Variants in GREB1L observed in about 807,000 individuals in gnomAD.
The protein encoded by GREB1L is GREB1-like protein.
In GREB1L, 17 loss-of-function variants were observed where a neutral mutation model predicts 200.8. That is an observed-to-expected ratio of 0.08 (90% CI 0.06 to 0.13). The LOEUF is 0.13. Ranked by LOEUF, GREB1L falls within the 10% of genes least tolerant of loss-of-function variation. GREB1L has a pLI of 1.00. For missense variants in GREB1L, 1,657 were observed against 2,367.7 expected, an observed-to-expected ratio of 0.70 and a Z score of 6.23; for synonymous variants, 789 against 893.0, an observed-to-expected ratio of 0.88 and a Z score of 2.08.
intron 15 of GREB1L, among the ~76,000 whole-genome samples, chr18:21,464,914 G>A (rs1598884625): frequency 1.3e-5 from 2 of 152,144 alleles, no homozygotes; most frequent in African/African-American, 4.8e-5. Flanking sequence ...AGTCAGGGAG[G>A]CTGTTGGTTA....
At chr18:21,418,516 T>TTTTTG (rs763102517) in intron 7 of GREB1L, among the ~76,000 whole-genome samples, 6 of 152,108 alleles carry the variant, frequency 3.9e-5, no homozygotes, top group South Asian at 4.1e-4. Context: ...TAAAAAAATA[T>TTTTTG]TTTTGTTTTG....
intron 31 of GREB1L, 148 bp from the exon 32 acceptor site, chr18:21,520,540 A>C: frequency 1.2e-6 from 1 of 828,870 alleles, no homozygotes; most frequent in Non-Finnish European, 1.9e-6. Context: ...TTAACTAACC[A>C]AGCCATTTAA....
intron 1 of GREB1L, among the ~76,000 whole-genome samples, chr18:21,359,170 CA>C (rs1243804709): frequency 1.3e-5 from 2 of 152,136 alleles, no homozygotes; most frequent in African/African-American, 4.8e-5. Context: ...AATAAGAAAT[CA>C]GGGGCTGGGC....
intron 1 of GREB1L, among the ~76,000 whole-genome samples, chr18:21,298,382 C>T (rs1340568916): frequency 6.6e-6 from 1 of 152,176 alleles, no homozygotes; most frequent in Non-Finnish European, 1.5e-5. Flanking sequence ...GTGGTATCTA[C>T]TTATTTTCTA....
chr18:21,436,717 T>TGTGTGTGTGTGTGTGTGTGTG (rs1568009671), intron 7 of GREB1L, among the ~76,000 whole-genome samples: 1 of 147,758 alleles, frequency 6.8e-6, no homozygotes, highest in Admixed American at 6.8e-5. Context: ...TGTGTGTGTG[T>TGTGTGTGTGTGTGTGTGTGTG]TTTCTTTTTC....
rs546250107 is a variant in GREB1L at position 21,485,762 on chromosome 18, T to C, written c.2690+9T>C. ...AACACACTCTTGGAGAGGTAAATAG[T>C]AAATAAGGCCTTCTGCTCTTCTCTC... On this transcript the variant is annotated intron_variant, in intron 18 of 32. Coordinates refer to ENST00000424526, the MANE Select transcript of GREB1L (RefSeq NM_001142966.3). The C allele has an allele frequency of 1.7e-5, 27 of 1,550,630 alleles. No individual in the cohort carries two copies. In the East Asian group the frequency reaches 6.1e-4, roughly 35 times the overall value.
At chr18:21,509,723 AT>A (rs1168666785) in intron 27 of GREB1L, among the ~76,000 whole-genome samples, 1 of 152,106 alleles carries the variant, frequency 6.6e-6, no homozygotes, top group Non-Finnish European at 1.5e-5. Context: ...CTTTTTCTAT[AT>A]GAATATGACC....
At chr18:21,277,596 C>T (rs1361511889) in intron 1 of GREB1L, among the ~76,000 whole-genome samples, 1 of 152,142 alleles carries the variant, frequency 6.6e-6, no homozygotes, top group African/African-American at 2.4e-5. Context: ...ATTTGTAAAT[C>T]TCTAGTCCCA....
chr18:21,312,323 T>A (rs1335035755), intron 1 of GREB1L, among the ~76,000 whole-genome samples: 1 of 152,184 alleles, frequency 6.6e-6, no homozygotes, highest in Admixed American at 6.5e-5. Context: ...ATGATTTATA[T>A]TCCTTTGGGT....
At position 21,409,630 on chromosome 18, in the gene GREB1L, A is replaced by G. The variant is rs528514945; in HGVS notation, c.832+5636A>G. On this transcript the variant is annotated intron_variant, in intron 7 of 32. Transcript: ENST00000424526. ...TTTCTCTTTCAGTTTAATACAATCT[A>G]ATTTATTGAATATCTACAGTGGGGT... Among the ~76,000 whole-genome samples the G allele has an allele frequency of 1.2e-4, 18 of 152,320 alleles. No homozygotes were observed. The South Asian group carries it at 3.1e-3, about 26-fold the overall frequency.
chr18:21,370,659 A>G (rs1381173635), intron 2 of GREB1L, among the ~76,000 whole-genome samples: 3 of 152,344 alleles, frequency 2.0e-5, no homozygotes, highest in Non-Finnish European at 4.4e-5. Flanking sequence ...GGACTTGTTC[A>G]AGATCACATT....
intron 7 of GREB1L, among the ~76,000 whole-genome samples, chr18:21,407,347 C>T (rs2030383871): frequency 6.6e-6 from 1 of 152,192 alleles, no homozygotes; most frequent in African/African-American, 2.4e-5. Context: ...ATGAAAAATA[C>T]ATTTGTCTAA....
chr18:21,268,590 T>TATATATATATAC, intron 1 of GREB1L, among the ~76,000 whole-genome samples: 1 of 134,222 alleles, frequency 7.5e-6, no homozygotes, highest in African/African-American at 2.8e-5. Context: ...TATATATATA[T>TATATATATATAC]ATACATGTAT....
chr18:21,448,437 G>A (rs1380439774), intron 11 of GREB1L, among the ~76,000 whole-genome samples: 3 of 152,112 alleles, frequency 2.0e-5, no homozygotes, highest in African/African-American at 7.2e-5. Context: ...AGATGGGAAG[G>A]GCCAGAGAAA....
intron 1 of GREB1L, among the ~76,000 whole-genome samples, chr18:21,308,080 C>T (rs2038730883): frequency 6.6e-6 from 1 of 152,190 alleles, no homozygotes; most frequent in South Asian, 2.1e-4. Context: ...CCATCTGATA[C>T]AAATGACTTA....
chr18:21,328,336 A>G (rs1284501129), intron 1 of GREB1L, among the ~76,000 whole-genome samples: 1 of 152,172 alleles, frequency 6.6e-6, no homozygotes, highest in African/African-American at 2.4e-5. Context: ...GAATCGAGTG[A>G]AATAAAAGCA....
rs1170252957 is a variant in GREB1L, at chr18:21,401,144, CTT to C, written c.533-5_533-4del. 1.9e-6 allele frequency: 3 copies of C among 1,550,772 alleles called. No homozygotes were observed. ...CCATTAGTAACATTGGTTTTCCTGA[CTT>C]CAGGGTTTTCTGGAAATTGTATCGG... On this transcript the variant is annotated splice_polypyrimidine_tract_variant and splice_region_variant and intron_variant, in intron 5 of 32. Coordinates refer to ENST00000424526, the MANE Select transcript of GREB1L (RefSeq NM_001142966.3).
chr18:21,362,208 T>C (rs2039590895), intron 1 of GREB1L, among the ~76,000 whole-genome samples: 1 of 152,146 alleles, frequency 6.6e-6, no homozygotes. Flanking sequence ...CATTGAAGTG[T>C]TTGAGGAAAT....
Position 21,321,274 on chromosome 18 carries a change from G to A in GREB1L, c.-119-44753G>A, listed in dbSNP as rs191495698. 1.2e-4 allele frequency among the ~76,000 whole-genome samples: 19 copies of A among 152,102 alleles called. No homozygotes were observed. The East Asian group carries it at 3.1e-3, about 25-fold the overall frequency. On this transcript the variant is annotated intron_variant, in intron 1 of 32. Transcript: ENST00000424526. ...CACATCACTATACTCCAGCCTGGGC[G>A]ACAGAAGTCTCAAAAAATAAAATTA... is the stretch of plus-strand genomic sequence containing the variant.
Sources: gnomAD v4.1 joint callset for allele counts (sites outside exome capture counted in the v4.1 genomes callset) on GRCh38, gnomAD v4.1.1 for gene constraint, MANE v1.5 for transcripts, NCBI Gene and HGNC (gene_info 2026-07-23, HGNC 2026-07-21) for gene names.